Variants in PTPRS observed in about 807,000 individuals in gnomAD.
PTPRS encodes the protein receptor-type tyrosine-protein phosphatase S.
PTPRS carries 63 observed loss-of-function variants against 215.3 expected under a neutral mutation model. That is an observed-to-expected ratio of 0.29 (90% CI 0.24 to 0.36). PTPRS has a LOEUF of 0.36. PTPRS is among the 10% of genes least tolerant of loss of function. The pLI, the probability that PTPRS is intolerant of heterozygous loss-of-function variation, is 1.00. For missense variants in PTPRS, 2,258 were observed against 2,825.8 expected (o/e 0.80, Z 4.56); for synonymous variants, 1,404 against 1,191.4 (o/e 1.18, Z -3.68).
intron 2 of PTPRS, among the ~76,000 whole-genome samples, chr19:5,276,229 GTTT>G (rs1261988241): frequency 6.6e-6 from 1 of 152,038 alleles, no homozygotes; most frequent in Non-Finnish European, 1.5e-5. Flanking sequence ...TTTTGTTTTT[GTTT>G]TTGTTTTTTG....
intron 4 of PTPRS, among the ~76,000 whole-genome samples, chr19:5,267,636 G>A (rs1453521166): frequency 6.9e-5 from 10 of 144,488 alleles, no homozygotes; most frequent in East Asian, 2.0e-4. Flanking sequence ...CAGCCTGGGC[G>A]ACAGAGCAAG....
intron 1 of PTPRS, among the ~76,000 whole-genome samples, chr19:5,329,103 G>A (rs2050246968): frequency 6.6e-6 from 1 of 152,166 alleles, no homozygotes; most frequent in Non-Finnish European, 1.5e-5. Flanking sequence ...AAAACGGGGT[G>A]CGGGAGGCAA....
chr19:5,215,556 G>A lies in PTPRS; in HGVS notation c.4136C>T (p.Ala1379Val), dbSNP rs373247829. 28 of 1,611,108 alleles carry A rather than the reference G, an allele frequency of 1.7e-5. No homozygotes were observed. Among genetic ancestry groups the A allele is most frequent in the Non-Finnish European group, 2.2e-5 (26 of 1,178,234 alleles). The change falls in exon 27 of 38, where the codon GCG becomes GTG. Residue 1379 changes from alanine to valine, a missense_variant. Coordinates refer to ENST00000262963, the MANE Select transcript of PTPRS (RefSeq NM_002850.4). ...SHPPIPIADM[A>V]EHTERLKAND... ...GGCCTTGAGCCGCTCCGTGTGCTCCGCCATGTCTGCGATGGGAATTGGCGG... is the reference window on the plus strand; with the variant it reads ...GGCCTTGAGCCGCTCCGTGTGCTCCACCATGTCTGCGATGGGAATTGGCGG...
intron 1 of PTPRS, chr19:5,292,685 G>C (rs1373562380): frequency 1.3e-5 from 2 of 152,330 alleles, no homozygotes; most frequent in Admixed American, 1.3e-4. Context: ...CGATTTTCGG[G>C]GGTGGCTAAG....
At chr19:5,290,578 G>A (rs1458579723) in intron 1 of PTPRS, among the ~76,000 whole-genome samples, 2 of 152,116 alleles carry the variant, frequency 1.3e-5, no homozygotes, top group Non-Finnish European at 2.9e-5. Context: ...TCACCCGCAC[G>A]AGGCGGGGGC....
intron 11 of PTPRS, among the ~76,000 whole-genome samples, chr19:5,240,821 A>C (rs1018782650): frequency 6.6e-6 from 1 of 151,206 alleles, no homozygotes; most frequent in Middle Eastern, 3.2e-3. Flanking sequence ...CCTGGGCAAC[A>C]GAGTGAGACT....
intron 1 of PTPRS, among the ~76,000 whole-genome samples, chr19:5,320,617 G>A (rs1389887543): frequency 6.6e-6 from 1 of 151,956 alleles, no homozygotes; most frequent in Admixed American, 6.6e-5. Flanking sequence ...GTAAAGATGG[G>A]GTTTCGCCAT....
chr19:5,243,033 G>A (rs562071858), intron 11 of PTPRS, among the ~76,000 whole-genome samples: 7 of 152,076 alleles, frequency 4.6e-5, no homozygotes, highest in South Asian at 2.1e-4. Context: ...TGTCCAGGCT[G>A]GACTGAAACT....
chr19:5,332,598 T>C (rs1263524218), intron 1 of PTPRS, among the ~76,000 whole-genome samples: 1 of 152,118 alleles, frequency 6.6e-6, no homozygotes, highest in Admixed American at 6.5e-5. Flanking sequence ...GGCTTGAGAA[T>C]CACACACCCG....
Position 5,236,016 on chromosome 19 carries a change from T to C in PTPRS, c.1849+2903A>G, listed in dbSNP as rs1217223823. 2.0e-5 allele frequency among the ~76,000 whole-genome samples: 3 copies of C among 152,172 alleles called. 1 individual carries two copies. In the East Asian group the frequency reaches 5.8e-4, roughly 29 times the overall value. On this transcript the variant is annotated intron_variant, in intron 13 of 37. Transcript: ENST00000262963. The stretch of plus-strand genomic sequence containing the variant: ...ATTATCTCATTTAACGCATGTATCA[T>C]CTCATTTAATGCATGCATTATCTCA...
At chr19:5,315,553 T>G (rs538520843) in intron 1 of PTPRS, among the ~76,000 whole-genome samples, 28 of 151,830 alleles carry the variant, frequency 1.8e-4, no homozygotes, top group African/African-American at 6.5e-4. Context: ...TTTTCAGAGA[T>G]GGGGTCTTGC....
intron 16 of PTPRS, 54 bp from the exon 17 acceptor site, chr19:5,225,898 C>T: frequency 7.0e-7 from 1 of 1,425,120 alleles, no homozygotes; most frequent in Middle Eastern, 1.9e-4. Flanking sequence ...GCAGCCCCAC[C>T]CACCCCCACT....
Position 5,286,186 on chromosome 19 carries a change from C to G in PTPRS, c.-46G>C. ...CTCCGCCCTGGAGGGGGATGGCCCC[C>G]CGGTCCCTCACAGAGAGGCCTCGAG... On this transcript the variant is annotated 5_prime_UTR_variant, in exon 2 of 38. Coordinates refer to ENST00000262963, the MANE Select transcript of PTPRS (RefSeq NM_002850.4). 1 of 1,602,370 alleles carries G rather than the reference C, an allele frequency of 6.2e-7. No homozygotes were observed. The highest frequency in any genetic ancestry group is 8.5e-7 in the Non-Finnish European group (1 of 1,174,342).
At chr19:5,251,853 C>T (rs2045119269) in intron 9 of PTPRS, among the ~76,000 whole-genome samples, 3 of 152,200 alleles carry the variant, frequency 2.0e-5, no homozygotes, top group African/African-American at 7.2e-5. Context: ...GGTAGGGAGG[C>T]GTGGCCAGGT....
chr19:5,223,009 G>C lies in PTPRS; in HGVS notation c.2783C>G (p.Pro928Arg). ...CTCCAGAATCTGCGGGTGGCCACGG[G>C]GCGTGTCCTCCGGGATGCTCAGGAC... ...AEVLSIPEDT[P>R]RGHPQILEAA... is the part of the protein sequence containing the mutation. The change falls in exon 18 of 38, where the codon CCC (proline) becomes CGC (arginine). Residue 928 changes from proline (P) to arginine (R), a missense_variant. This residue lies in a region of PTPRS where 361 missense variants were observed against 332.6 expected (regional missense o/e 1.09). Transcript: ENST00000262963. 1 of 1,543,100 alleles carries C rather than the reference G, an allele frequency of 6.5e-7. No homozygotes were observed. Among genetic ancestry groups the C allele is most frequent in the Non-Finnish European group, 8.7e-7 (1 of 1,146,814 alleles).
Position 5,212,174 on chromosome 19 carries a change from C to A in PTPRS, c.4846G>T (p.Asp1616Tyr). Residue 1616 changes from aspartate (D) to tyrosine (Y), a missense_variant, in exon 32 of 38, where the codon GAT becomes TAT. Asp to Tyr is a radical substitution (Grantham distance 160). Coordinates refer to ENST00000262963, the MANE Select transcript of PTPRS (RefSeq NM_002850.4). ...LERIKPEKTV[D>Y]VYGHVTLMRS... is the part of the protein sequence containing the mutation. Reference sequence around the variant, plus strand: ...ATGAGCGTCACGTGGCCATAGACATCGACTGTCTTCTCTGGCTTGATCCGC... The same window carrying A: ...ATGAGCGTCACGTGGCCATAGACATAGACTGTCTTCTCTGGCTTGATCCGC... The A allele has an allele frequency of 6.2e-7, 1 of 1,614,010 alleles. No homozygotes were observed. Among genetic ancestry groups the A allele is most frequent in the Non-Finnish European group, 8.5e-7 (1 of 1,180,048 alleles).
chr19:5,292,511 A>G (rs921358711), intron 1 of PTPRS, among the ~76,000 whole-genome samples: 1 of 152,184 alleles, frequency 6.6e-6, no homozygotes, highest in African/African-American at 2.4e-5. Context: ...AATGGGTAAA[A>G]GAAAGGTACG....
rs1244763745 is a variant in PTPRS, at chr19:5,244,502, G to C, written c.989-20C>G. 1 of 1,601,540 alleles carries C rather than the reference G, an allele frequency of 6.2e-7. No individual in the cohort carries two copies. The highest frequency in any genetic ancestry group is 1.1e-5 in the South Asian group (1 of 89,862). On this transcript the variant is annotated intron_variant, in intron 10 of 37. Coordinates refer to ENST00000262963, the MANE Select transcript of PTPRS (RefSeq NM_002850.4). This position sits in a 1 kb window ranked among gnomAD's most constrained non-coding sequence, Gnocchi z 7.2. Reference sequence around the variant, plus strand: ...GGAGAGCTGTGGGCAGGAGGCAGCTGTGTCACGCATTGGGCACATTGGTTG... The same window carrying C: ...GGAGAGCTGTGGGCAGGAGGCAGCTCTGTCACGCATTGGGCACATTGGTTG...
chr19:5,277,360 A>G (rs1297271417), intron 2 of PTPRS, among the ~76,000 whole-genome samples: 3 of 152,162 alleles, frequency 2.0e-5, no homozygotes, highest in Non-Finnish European at 2.9e-5. Context: ...ACATAAGTAT[A>G]AAAAGGGGGA....
Sources: gnomAD v4.1 joint callset for allele counts (sites outside exome capture counted in the v4.1 genomes callset) on GRCh38, gnomAD v4.1.1 for gene constraint, gnomAD v4.1.1 regional missense constraint, Gnocchi (gnomAD v3.1) non-coding constraint, MANE v1.5 for transcripts, NCBI Gene and HGNC (gene_info 2026-07-23, HGNC 2026-07-21) for gene names.